Variants in KCNT2 observed in about 807,000 individuals in gnomAD.
KCNT2 encodes potassium sodium-activated channel subfamily T member 2.
KCNT2 carries 67 observed loss-of-function variants against 153.8 expected under a neutral mutation model. That is an observed-to-expected ratio of 0.44 (90% CI 0.36 to 0.53). KCNT2 has a LOEUF of 0.53. Among genes scored for constraint, KCNT2 ranks in the 20% least tolerant of loss-of-function variants. The pLI is 0.00. For synonymous variants in KCNT2, 500 were observed against 458.8 expected (o/e 1.09, Z -1.15); for missense variants, 975 against 1,354.8 (o/e 0.72, Z 4.40).
At chr1:196,505,763 G>A (rs574589119) in intron 1 of KCNT2, among the ~76,000 whole-genome samples, 38 of 151,956 alleles carry the variant, frequency 2.5e-4, no homozygotes, top group Admixed American at 6.6e-4. Flanking sequence ...ATTTCATTGA[G>A]CAGTGGTTTG....
At chr1:196,399,471 A>G (rs779205398) in intron 12 of KCNT2, among the ~76,000 whole-genome samples, 7 of 151,800 alleles carry the variant, frequency 4.6e-5, no homozygotes, top group Non-Finnish European at 1.0e-4. Context: ...CACACTAGCC[A>G]CATTTCAAGT....
At chr1:196,413,374 G>C (rs1672492494) in intron 12 of KCNT2, among the ~76,000 whole-genome samples, 1 of 151,642 alleles carries the variant, frequency 6.6e-6, no homozygotes, top group Non-Finnish European at 1.5e-5. Context: ...TCACATGAAA[G>C]TGACTTATTA....
intron 1 of KCNT2, among the ~76,000 whole-genome samples, chr1:196,568,453 G>C (rs6691524): frequency 2.0e-5 from 3 of 151,830 alleles, no homozygotes; most frequent in Admixed American, 6.6e-5. Flanking sequence ...AAAATTAGCC[G>C]GGTGTGGTGG....
intron 1 of KCNT2, among the ~76,000 whole-genome samples, chr1:196,575,535 A>T (rs1661249589): frequency 6.6e-6 from 1 of 151,844 alleles, no homozygotes. Flanking sequence ...TAATGTAGAC[A>T]TTCATCGTGC....
intron 1 of KCNT2, among the ~76,000 whole-genome samples, chr1:196,535,399 G>A (rs907678405): frequency 6.6e-6 from 1 of 152,200 alleles, no homozygotes; most frequent in African/African-American, 2.4e-5. Context: ...GGAAATTGGA[G>A]AGCCAAGATG....
intron 25 of KCNT2, among the ~76,000 whole-genome samples, chr1:196,278,515 A>C (rs1478490706): frequency 6.6e-6 from 1 of 152,174 alleles, no homozygotes; most frequent in Admixed American, 6.5e-5. Context: ...CATTTTAATG[A>C]GGTAATCTTT....
chr1:196,342,374 T>A (rs1482447987), intron 14 of KCNT2, 146 bp from the exon 15 acceptor site: 2 of 465,468 alleles, frequency 4.3e-6, no homozygotes, highest in Non-Finnish European at 7.1e-6. Flanking sequence ...TGCTTTGAAG[T>A]CTGAAGATGA....
intron 1 of KCNT2, among the ~76,000 whole-genome samples, chr1:196,499,232 T>G (rs1055205917): frequency 1.3e-5 from 2 of 152,208 alleles, no homozygotes; most frequent in African/African-American, 4.8e-5. Flanking sequence ...ATGTTCAAAT[T>G]TCTGGCCTCC....
chr1:196,362,301 G>A (rs1248131071), intron 14 of KCNT2, among the ~76,000 whole-genome samples: 2 of 152,022 alleles, frequency 1.3e-5, no homozygotes. Context: ...CTTTCCTCCT[G>A]CCTTGTGGTC....
At chr1:196,236,660 T>C (rs1654469937) in intron 26 of KCNT2, among the ~76,000 whole-genome samples, 1 of 151,588 alleles carries the variant, frequency 6.6e-6, no homozygotes. Flanking sequence ...AAGGGAAGTG[T>C]ACTCCTGAAT....
intron 22 of KCNT2, among the ~76,000 whole-genome samples, chr1:196,295,492 T>C (rs1221235861): frequency 6.6e-6 from 1 of 151,390 alleles, no homozygotes; most frequent in African/African-American, 2.4e-5. Context: ...AAAAAAACAT[T>C]GTAAAATGCA....
At chr1:196,527,540 C>T (rs967715987) in intron 1 of KCNT2, among the ~76,000 whole-genome samples, 3 of 152,076 alleles carry the variant, frequency 2.0e-5, no homozygotes, top group Non-Finnish European at 4.4e-5. Context: ...ATTATCTTTA[C>T]AGTTTCAAGT....
chr1:196,484,277 T>C (rs999578626), intron 3 of KCNT2, among the ~76,000 whole-genome samples: 1 of 152,148 alleles, frequency 6.6e-6, no homozygotes, highest in Non-Finnish European at 1.5e-5. Flanking sequence ...TGATCAGTGA[T>C]GTTGAGCTTT....
At chr1:196,432,886 T>C (rs1033919190) in intron 8 of KCNT2, among the ~76,000 whole-genome samples, 1 of 152,130 alleles carries the variant, frequency 6.6e-6, no homozygotes, top group Non-Finnish European at 1.5e-5. Flanking sequence ...GAGCAGGACA[T>C]GCATTTTGAT....
At chr1:196,429,508 T>C (rs914110819) in intron 9 of KCNT2, 69 bp downstream of exon 9, 3 of 1,014,982 alleles carry the variant, frequency 3.0e-6, no homozygotes, top group Non-Finnish European at 4.2e-6. Context: ...TTCCATTTCT[T>C]ATTAAATGTG....
Position 196,258,218 on chromosome 1 carries a change from A to G in KCNT2, c.3187T>C (p.Leu1063=). The change falls in exon 26 of 28, where the codon TTG becomes CTG. Residue 1063 remains leucine, a synonymous_variant. Coordinates refer to ENST00000294725, the MANE Select transcript of KCNT2 (RefSeq NM_198503.5). ...CCATATCCCACTGTAGAAAGACCCA[A>G]GTGTTTCATTCTATTTTTCACAAGT... is the stretch of plus-strand genomic sequence containing the variant. ...AELVKNRMKH[L]GLSTVGYDEM... is the part of the protein sequence containing the mutation. 6.2e-7 allele frequency: 1 copy of G among 1,613,594 alleles called. No individual in the cohort carries two copies. Among genetic ancestry groups the G allele is most frequent in the Non-Finnish European group, 8.5e-7 (1 of 1,179,536 alleles).
intron 1 of KCNT2, among the ~76,000 whole-genome samples, chr1:196,578,131 T>A (rs951636100): frequency 6.6e-6 from 1 of 152,000 alleles, no homozygotes; most frequent in Non-Finnish European, 1.5e-5. Context: ...CTATTGATAT[T>A]TTTTAAGTAT....
At chr1:196,482,806 C>T (rs773261611) in intron 3 of KCNT2, among the ~76,000 whole-genome samples, 39 of 151,912 alleles carry the variant, frequency 2.6e-4, no homozygotes, top group Non-Finnish European at 5.0e-4. Context: ...GAGTATACAA[C>T]ACAGTTATAT....
intron 8 of KCNT2, among the ~76,000 whole-genome samples, chr1:196,461,742 G>A (rs114194895): frequency 2.6e-5 from 4 of 151,698 alleles, no homozygotes; most frequent in African/African-American, 9.7e-5. Context: ...TATGTGGACA[G>A]ATTAGTCCAA....
Sources: gnomAD v4.1 joint callset for allele counts (sites outside exome capture counted in the v4.1 genomes callset) on GRCh38, gnomAD v4.1.1 for gene constraint, MANE v1.5 for transcripts, NCBI Gene and HGNC (gene_info 2026-07-23, HGNC 2026-07-21) for gene names.